The following ST6GALNAC3 variants were observed in gnomAD, a reference collection of about 807,000 sequenced individuals.
ST6GALNAC3 encodes the protein ST6 N-acetylgalactosaminide alpha-2,6-sialyltransferase 3.
Under a neutral mutation model 32.7 loss-of-function variants are expected in ST6GALNAC3, and 25 were observed. The observed-to-expected ratio is 0.76, with a 90% CI of 0.56 to 1.07. The LOEUF is 1.07. Ranked by LOEUF, ST6GALNAC3 falls within the 50% of genes least tolerant of loss-of-function variation. The pLI is 0.00. For synonymous variants in ST6GALNAC3, 129 were observed against 133.1 expected, an observed-to-expected ratio of 0.97 and a Z score of 0.21; for missense variants, 355 against 382.4, an observed-to-expected ratio of 0.93 and a Z score of 0.60.
intron 1 of ST6GALNAC3, among the ~76,000 whole-genome samples, chr1:76,159,070 CA>C (rs1318189746): frequency 6.6e-6 from 1 of 152,096 alleles, no homozygotes; most frequent in Non-Finnish European, 1.5e-5. Flanking sequence ...ATTTTAGGGA[CA>C]AGAGTGGAGA....
intron 2 of ST6GALNAC3, among the ~76,000 whole-genome samples, chr1:76,380,128 C>T (rs1193122875): frequency 6.6e-6 from 1 of 152,038 alleles, no homozygotes; most frequent in Non-Finnish European, 1.5e-5. Flanking sequence ...CAGATGGGGA[C>T]TCTTAGAAAG....
intron 3 of ST6GALNAC3, among the ~76,000 whole-genome samples, chr1:76,430,934 T>C (rs966907805): frequency 2.0e-5 from 3 of 152,194 alleles, no homozygotes; most frequent in Admixed American, 1.3e-4. Context: ...CTTCTGCTTA[T>C]AGAAATCGTG....
At chr1:76,475,538 A>G (rs933392964) in intron 3 of ST6GALNAC3, among the ~76,000 whole-genome samples, 1 of 152,192 alleles carries the variant, frequency 6.6e-6, no homozygotes, top group African/African-American at 2.4e-5. Context: ...AATGTTTACA[A>G]TAAGAAACTT....
chr1:76,076,131 T>G (rs1646813371), intron 1 of ST6GALNAC3, among the ~76,000 whole-genome samples: 1 of 152,146 alleles, frequency 6.6e-6, no homozygotes, highest in Non-Finnish European at 1.5e-5. Context: ...AGTATTACAG[T>G]ATGGGGTATT....
chr1:76,298,810 G>C (rs373200486), intron 1 of ST6GALNAC3, among the ~76,000 whole-genome samples: 2 of 152,108 alleles, frequency 1.3e-5, no homozygotes, highest in East Asian at 3.9e-4. Context: ...GCACCACATG[G>C]GAATAAACTA....
At chr1:76,298,532 C>A (rs1259010271) in intron 1 of ST6GALNAC3, among the ~76,000 whole-genome samples, 1 of 152,004 alleles carries the variant, frequency 6.6e-6, no homozygotes, top group African/African-American at 2.4e-5. Context: ...GATGGAACAC[C>A]TGCAGTTTTT....
At chr1:76,498,386 CT>C (rs1156392211) in intron 3 of ST6GALNAC3, among the ~76,000 whole-genome samples, 32 of 152,182 alleles carry the variant, frequency 2.1e-4, no homozygotes, top group Non-Finnish European at 8.8e-5. Context: ...AAACACCAAT[CT>C]CTACTACTGA....
intron 1 of ST6GALNAC3, among the ~76,000 whole-genome samples, chr1:76,086,827 C>T (rs1023491162): frequency 1.3e-5 from 2 of 152,176 alleles, no homozygotes; most frequent in Non-Finnish European, 2.9e-5. Flanking sequence ...TCATCCCTCA[C>T]ACCTTTGCCA....
intron 1 of ST6GALNAC3, among the ~76,000 whole-genome samples, chr1:76,120,901 G>T (rs578170096): frequency 5.3e-5 from 8 of 152,152 alleles, no homozygotes; most frequent in Non-Finnish European, 1.2e-4. Flanking sequence ...GGGCTGCAAT[G>T]CTTCTGGAGT....
intron 1 of ST6GALNAC3, among the ~76,000 whole-genome samples, chr1:76,305,199 T>A (rs1660974154): frequency 6.6e-6 from 1 of 152,040 alleles, no homozygotes; most frequent in African/African-American, 2.4e-5. Context: ...CCATATCTAA[T>A]CTTAAGAAGG....
chr1:76,152,634 C>A, intron 1 of ST6GALNAC3, among the ~76,000 whole-genome samples: 1 of 152,188 alleles, frequency 6.6e-6, no homozygotes, highest in East Asian at 1.9e-4. Flanking sequence ...TTGACCATGG[C>A]CTCCTGACAG....
chr1:76,292,641 A>G (rs1255981217), intron 1 of ST6GALNAC3, among the ~76,000 whole-genome samples: 1 of 152,214 alleles, frequency 6.6e-6, no homozygotes, highest in Non-Finnish European at 1.5e-5. Flanking sequence ...TAAGTCATCC[A>G]ATATATACAA....
At chr1:76,529,935 T>A (rs1663150837) in intron 3 of ST6GALNAC3, among the ~76,000 whole-genome samples, 1 of 152,200 alleles carries the variant, frequency 6.6e-6, no homozygotes, top group African/African-American at 2.4e-5. Context: ...CATGCAGTGA[T>A]TGCTCCTTAA....
intron 1 of ST6GALNAC3, among the ~76,000 whole-genome samples, chr1:76,075,199 T>C (rs1393774594): frequency 1.3e-5 from 2 of 151,906 alleles, no homozygotes; most frequent in East Asian, 3.9e-4. Flanking sequence ...TTCCCGCGGG[T>C]CCCGCGGCTC....
chr1:76,487,030 C>G (rs919080610), intron 3 of ST6GALNAC3, among the ~76,000 whole-genome samples: 1 of 152,150 alleles, frequency 6.6e-6, no homozygotes, highest in African/African-American at 2.4e-5. Context: ...AAATTCTTCT[C>G]TTTAAGAATG....
At position 76,394,447 on chromosome 1, in the gene ST6GALNAC3, G is replaced by A. The variant is rs573582580; in HGVS notation, c.214-17561G>A. 2.0e-4 allele frequency among the ~76,000 whole-genome samples: 30 copies of A among 152,110 alleles called. No homozygotes were observed. In the South Asian group the frequency reaches 6.0e-3, roughly 30 times the overall value. ...TTGTATTTTAAATTATGTCTTCATT[G>A]TTTAATCCATATTGAAAATTTGGCT... On this transcript the variant is annotated intron_variant, in intron 2 of 4. Coordinates refer to ENST00000328299, the MANE Select transcript of ST6GALNAC3 (RefSeq NM_152996.4).
chr1:76,535,658 T>A (rs1367285472), intron 3 of ST6GALNAC3, among the ~76,000 whole-genome samples: 1 of 152,192 alleles, frequency 6.6e-6, no homozygotes, highest in African/African-American at 2.4e-5. Flanking sequence ...TAATATCATA[T>A]GAGGATGCTA....
rs1321165221 is a variant in ST6GALNAC3, at chr1:76,120,009, C to T, written c.18+45125C>T. On this transcript the variant is annotated intron_variant, in intron 1 of 4. Coordinates refer to ENST00000328299, the MANE Select transcript of ST6GALNAC3 (RefSeq NM_152996.4). ...CTACCCGGAGTGCCCAGCACTGGGC[C>T]TGGCCTCTGCCAGTGGTCAGCAAAT... Among the ~76,000 whole-genome samples the T allele has an allele frequency of 4.6e-5, 7 of 152,258 alleles. No individual in the cohort carries two copies. The East Asian group carries it at 9.6e-4, about 21-fold the overall frequency.
At chr1:76,556,279 C>G (rs1664918610) in intron 3 of ST6GALNAC3, among the ~76,000 whole-genome samples, 1 of 152,012 alleles carries the variant, frequency 6.6e-6, no homozygotes, top group African/African-American at 2.4e-5. Flanking sequence ...ATTAATTTAT[C>G]AGTTCATGGA....
Sources: gnomAD v4.1 joint callset for allele counts (sites outside exome capture counted in the v4.1 genomes callset) on GRCh38, gnomAD v4.1.1 for gene constraint, MANE v1.5 for transcripts, NCBI Gene and HGNC (gene_info 2026-07-23, HGNC 2026-07-21) for gene names.